Variants in PLEKHB2 observed in about 807,000 individuals in gnomAD.
PLEKHB2 encodes the protein pleckstrin homology domain containing B2.
PLEKHB2 carries 31 observed loss-of-function variants against 36.5 expected under a neutral mutation model. That is an observed-to-expected ratio of 0.85 (90% CI 0.64 to 1.15). The LOEUF is 1.15. PLEKHB2 is among the 50% of genes most tolerant of loss of function. PLEKHB2 has a pLI of 0.00. For synonymous variants in PLEKHB2, 119 were observed against 112.0 expected, an observed-to-expected ratio of 1.06 and a Z score of -0.39; for missense variants, 262 against 295.3, an observed-to-expected ratio of 0.89 and a Z score of 0.83.
intron 3 of PLEKHB2, 126 bp downstream of exon 3, chr2:131,126,031 G>T (rs1697068310): frequency 3.2e-6 from 3 of 933,488 alleles, no homozygotes; most frequent in Non-Finnish European, 4.7e-6. Flanking sequence ...TCTCAGAGGG[G>T]CGACCACAGT....
intron 1 of PLEKHB2, among the ~76,000 whole-genome samples, chr2:131,120,050 C>T (rs1696325943): frequency 6.6e-6 from 1 of 150,880 alleles, no homozygotes. Context: ...CTCACCGCAT[C>T]CTCTGCCTCC....
intron 6 of PLEKHB2, among the ~76,000 whole-genome samples, chr2:131,137,161 ACG>A (rs1698348656): frequency 6.7e-6 from 1 of 148,974 alleles, no homozygotes; most frequent in African/African-American, 2.6e-5. Flanking sequence ...GTTAGCCAGG[ACG>A]GTCTCGATCT....
intron 6 of PLEKHB2, among the ~76,000 whole-genome samples, chr2:131,135,391 A>T (rs1476516299): frequency 1.3e-5 from 2 of 152,142 alleles, no homozygotes; most frequent in Non-Finnish European, 2.9e-5. Flanking sequence ...TTCTAAGCTC[A>T]CTTACTCTAT....
intron 1 of PLEKHB2, chr2:131,107,588 G>A (rs1694865873): frequency 6.6e-6 from 1 of 152,238 alleles, no homozygotes; most frequent in Admixed American, 6.5e-5. Flanking sequence ...ATATCATGAG[G>A]AGTTGTAGAC....
chr2:131,132,380 C>T (rs1206777220), intron 5 of PLEKHB2, among the ~76,000 whole-genome samples: 2 of 152,110 alleles, frequency 1.3e-5, no homozygotes, highest in African/African-American at 4.8e-5. Flanking sequence ...GATCTTGGCT[C>T]ACTGCAGTCT....
chr2:131,141,582 G>A (rs1017785376), intron 7 of PLEKHB2, among the ~76,000 whole-genome samples: 2 of 149,596 alleles, frequency 1.3e-5, no homozygotes, highest in Non-Finnish European at 3.0e-5. Context: ...GGAGCTTGCA[G>A]TGAGCCGACA....
intron 1 of PLEKHB2, among the ~76,000 whole-genome samples, chr2:131,112,461 T>C (rs925943098): frequency 1.3e-5 from 2 of 152,228 alleles, no homozygotes; most frequent in African/African-American, 4.8e-5. Flanking sequence ...GGAATTCTAA[T>C]AGACCTAAAG....
chr2:131,125,626 G>A, intron 2 of PLEKHB2, 127 bp from the exon 3 acceptor site: 2 of 699,554 alleles, frequency 2.9e-6, no homozygotes, highest in South Asian at 3.9e-5. Context: ...GATTGCTTGA[G>A]CCCAGGAGTT....
intron 7 of PLEKHB2, among the ~76,000 whole-genome samples, chr2:131,143,931 T>C (rs189853674): frequency 3.5e-4 from 54 of 152,126 alleles, no homozygotes; most frequent in Admixed American, 3.4e-3. Flanking sequence ...GTCAGTAGAG[T>C]AGAAGTAGCA....
At chr2:131,125,691 G>A (rs1248891852) in intron 2 of PLEKHB2, 62 bp from the exon 3 acceptor site, 17 of 1,438,486 alleles carry the variant, frequency 1.2e-5, no homozygotes, top group African/African-American at 1.4e-5. Context: ...ATTCCAACTT[G>A]GGCGAAATAG....
rs1286355029 is a variant in PLEKHB2 at position 131,125,859 on chromosome 2, C to T, written c.144C>T (p.His48=). 2 of 1,613,640 alleles carry T rather than the reference C, an allele frequency of 1.2e-6. No homozygotes were observed. The highest frequency in any genetic ancestry group is 2.2e-5 in the East Asian group (1 of 44,866). ...QTRQNIEDKV[H]MPMDCINIRT... The stretch of plus-strand genomic sequence containing the variant: ...GGCAGAATATCGAGGATAAGGTCCA[C>T]ATGCCAATGGACTGCATCAACATCC... Residue 48 remains histidine, a synonymous_variant, in exon 3 of 8, where the codon CAC becomes CAT. Coordinates refer to ENST00000693505, the MANE Select transcript of PLEKHB2 (RefSeq NM_001100623.2).
intron 1 of PLEKHB2, among the ~76,000 whole-genome samples, chr2:131,106,605 TGTG>T (rs1221655365): frequency 2.0e-5 from 3 of 152,116 alleles, no homozygotes. Flanking sequence ...ACGGTTCAAT[TGTG>T]GTGCTCAGGA....
At position 131,146,774 on chromosome 2, in the gene PLEKHB2, G is replaced by A. The variant is rs780443658; in HGVS notation, c.*1G>A. 1.3e-6 allele frequency: 2 copies of A among 1,598,758 alleles called. No individual in the cohort carries two copies. The highest frequency in any genetic ancestry group is 4.5e-5 in the East Asian group (2 of 44,496). ...AGGGTCTCTATTTTGGGTCTTCTAG[G>A]GGCCTCAAGGTCTTGATGTGCATAG... On this transcript the variant is annotated 3_prime_UTR_variant, in exon 8 of 8. Coordinates refer to ENST00000693505, the MANE Select transcript of PLEKHB2 (RefSeq NM_001100623.2).
intron 1 of PLEKHB2, chr2:131,120,566 C>T (rs1052336889): frequency 9.4e-6 from 3 of 319,090 alleles, no homozygotes; most frequent in Non-Finnish European, 1.8e-5. Flanking sequence ...GCCATGTGGA[C>T]CCCACTGGGA....
intron 7 of PLEKHB2, among the ~76,000 whole-genome samples, chr2:131,145,379 T>G (rs891259566): frequency 1.2e-4 from 19 of 152,158 alleles, no homozygotes; most frequent in Non-Finnish European, 2.1e-4. Flanking sequence ...TGCACTCTGT[T>G]GCCCAGACTG....
intron 1 of PLEKHB2, among the ~76,000 whole-genome samples, chr2:131,117,526 G>A (rs1696012244): frequency 1.3e-5 from 2 of 152,182 alleles, no homozygotes; most frequent in Non-Finnish European, 2.9e-5. Context: ...CTGCGAAGTT[G>A]CATGGCTGTG....
intron 4 of PLEKHB2, among the ~76,000 whole-genome samples, chr2:131,129,535 G>A (rs187680033): frequency 2.0e-4 from 30 of 152,062 alleles, no homozygotes; most frequent in South Asian, 1.9e-3. Context: ...ATGGAGTTTC[G>A]CTCTTGTTGC....
Position 131,118,724 on chromosome 2 carries a change from C to T in PLEKHB2, c.-8-2210C>T, listed in dbSNP as rs527351018. Among the ~76,000 whole-genome samples, 20 of 151,536 alleles carry T rather than the reference C, an allele frequency of 1.3e-4. No homozygotes were observed. The East Asian group carries it at 3.5e-3, about 27-fold the overall frequency. On this transcript the variant is annotated intron_variant, in intron 1 of 7. Transcript: ENST00000693505. Reference sequence around the variant, plus strand: ...ACTGAAAATACAAGAAAAAATTAGCCGGGCGTGGTGGCGGGCACCTGTAGT... The same window carrying T: ...ACTGAAAATACAAGAAAAAATTAGCTGGGCGTGGTGGCGGGCACCTGTAGT...
intron 2 of PLEKHB2, among the ~76,000 whole-genome samples, chr2:131,123,926 A>G (rs1269575728): frequency 6.7e-6 from 1 of 150,130 alleles, no homozygotes; most frequent in Non-Finnish European, 1.5e-5. Context: ...ACTGCTCACT[A>G]CAGCCTTGAT....
Sources: gnomAD v4.1 joint callset for allele counts (sites outside exome capture counted in the v4.1 genomes callset) on GRCh38, gnomAD v4.1.1 for gene constraint, MANE v1.5 for transcripts, NCBI Gene and HGNC (gene_info 2026-07-23, HGNC 2026-07-21) for gene names.